The following SRCAP variants were observed in gnomAD, a reference collection of about 807,000 sequenced individuals.
SRCAP encodes chromatin remodeling protein SRCAP.
In SRCAP, 46 loss-of-function variants were observed where a neutral mutation model predicts 263.1. That is an observed-to-expected ratio of 0.17 (90% CI 0.14 to 0.22). SRCAP has a LOEUF of 0.22. Ranked by LOEUF, SRCAP falls within the 10% of genes least tolerant of loss-of-function variation. The pLI is 1.00. For missense variants in SRCAP, 3,695 were observed against 4,181.9 expected, an observed-to-expected ratio of 0.88 and a Z score of 3.21; for synonymous variants, 1,813 against 1,662.1, an observed-to-expected ratio of 1.09 and a Z score of -2.21.
chr16:30,709,773 T>G (rs2052868122), intron 7 of SRCAP, 38 bp downstream of exon 7: 2 of 1,613,838 alleles, frequency 1.2e-6, no homozygotes, highest in South Asian at 1.1e-5. Flanking sequence ...CTTCCTCATG[T>G]ACCCTTTCCA....
At chr16:30,709,266 TAAA>T (rs766700062) in intron 6 of SRCAP, among the ~76,000 whole-genome samples, 10 of 143,496 alleles carry the variant, frequency 7.0e-5, no homozygotes, top group Middle Eastern at 3.7e-3. Context: ...CTCATCTCTT[TAAA>T]AAAAAAAAAA....
chr16:30,719,993 T>G (rs1226347687), intron 18 of SRCAP, among the ~76,000 whole-genome samples, 169 bp from the exon 19 acceptor site: 2 of 152,182 alleles, frequency 1.3e-5, no homozygotes, highest in Non-Finnish European at 2.9e-5. Flanking sequence ...CTCATCTTCA[T>G]GTCCATGCGT....
At chr16:30,700,530 A>T (rs180706822) in intron 2 of SRCAP, 86 bp from the exon 3 acceptor site, 38 of 296,706 alleles carry the variant, frequency 1.3e-4, no homozygotes, top group African/African-American at 7.3e-4. Flanking sequence ...CTCTTTATTC[A>T]GTGTTATTTC....
At chr16:30,727,702 C>T (rs1427965743) in intron 25 of SRCAP, among the ~76,000 whole-genome samples, 1 of 152,208 alleles carries the variant, frequency 6.6e-6, no homozygotes, top group Non-Finnish European at 1.5e-5. Flanking sequence ...CAGGCTTGCA[C>T]CACCACGCCC....
In SRCAP at chr16:30,709,750, T is replaced by C; in HGVS notation, c.856+15T>C. 1 of 1,614,172 alleles carries C rather than the reference T, an allele frequency of 6.2e-7. No homozygotes were observed. The highest frequency in any genetic ancestry group is 8.5e-7 in the Non-Finnish European group (1 of 1,180,022). On this transcript the variant is annotated intron_variant, in intron 7 of 33. Coordinates refer to ENST00000262518, the MANE Select transcript of SRCAP (RefSeq NM_006662.3). ...GGATGATGAAGGTGTGTGTTCTCTT[T>C]GGTCCTGTTACTCTTCCTCATGTAC...
intron 31 of SRCAP, among the ~76,000 whole-genome samples, chr16:30,735,607 G>A (rs1328229810): frequency 7.2e-6 from 1 of 138,462 alleles, no homozygotes; most frequent in Non-Finnish European, 1.5e-5. Context: ...GAGTCACGGA[G>A]TCTTGCTCTT....
intron 24 of SRCAP, 82 bp from the exon 25 acceptor site, chr16:30,723,502 T>G: frequency 6.6e-7 from 1 of 1,525,058 alleles, no homozygotes; most frequent in Non-Finnish European, 8.8e-7. Flanking sequence ...ATGGGAAGCT[T>G]GGGGGTATGG....
In SRCAP at chr16:30,707,253, A is replaced by G. The variant is rs758628921; in HGVS notation, c.377A>G (p.Lys126Arg). The G allele has an allele frequency of 5.0e-6, 8 of 1,614,030 alleles. No homozygotes were observed. The highest frequency in any genetic ancestry group is 5.9e-6 in the Non-Finnish European group (7 of 1,180,050). ...TTCTGGTCACTGAAGAGGCTGCCTA[A>G]GGTGCCAGAGCCCCCTCGCCCCAAA... ...EGFWSLKRLP[K>R]VPEPPRPKGH... is the part of the protein sequence containing the mutation. Residue 126 changes from lysine (K) to arginine (R), a missense_variant, in exon 5 of 34, where the codon AAG becomes AGG. Physicochemically the swap from Lys to Arg is conservative, Grantham distance 26. This residue lies in a region of SRCAP where 107 missense variants were observed against 223.8 expected (regional missense o/e 0.48). Transcript: ENST00000262518.
chr16:30,712,928 A>AT (rs1280774799), intron 14 of SRCAP, 113 bp downstream of exon 14: 4 of 1,367,954 alleles, frequency 2.9e-6, no homozygotes, highest in East Asian at 5.1e-5. Context: ...AAATTTTTTA[A>AT]TTTTTTGTAA....
chr16:30,729,520 G>A lies in SRCAP; in HGVS notation c.6075G>A (p.Val2025=), dbSNP rs758842836. ...GGGCTCGTCCTTTGCACCGTATTGT[G>A]TGTAACATGCGCACCCAGTTCCCTG... ...WPRARPLHRI[V]CNMRTQFPDL... is the part of the protein sequence containing the mutation. Residue 2025 remains valine, a synonymous_variant, in exon 27 of 34, where the codon GTG becomes GTA. Coordinates refer to ENST00000262518, the MANE Select transcript of SRCAP (RefSeq NM_006662.3). 4.3e-6 allele frequency: 7 copies of A among 1,614,172 alleles called. No homozygotes were observed. The highest frequency in any genetic ancestry group is 5.9e-6 in the Non-Finnish European group (7 of 1,180,030).
chr16:30,708,939 C>T (rs1026810578), intron 6 of SRCAP, among the ~76,000 whole-genome samples: 6 of 152,168 alleles, frequency 3.9e-5, no homozygotes, highest in African/African-American at 9.7e-5. Context: ...CTGCCTCTGC[C>T]TCCGGAGTAG....
intron 14 of SRCAP, 94 bp downstream of exon 14, chr16:30,712,909 T>C: frequency 6.8e-7 from 1 of 1,461,098 alleles, no homozygotes; most frequent in South Asian, 1.4e-5. Context: ...CCTCTTTCTT[T>C]TTTAAAAAAA....
chr16:30,705,729 C>T (rs901788986), intron 4 of SRCAP, among the ~76,000 whole-genome samples: 4 of 149,610 alleles, frequency 2.7e-5, no homozygotes, highest in African/African-American at 7.4e-5. Flanking sequence ...TTCCTTGAGA[C>T]GGAGTCTCAG....
At chr16:30,713,740 T>C (rs776570103) in intron 16 of SRCAP, 29 bp downstream of exon 16, 7 of 1,607,220 alleles carry the variant, frequency 4.4e-6, no homozygotes, top group African/African-American at 1.3e-5. Context: ...TGTCAGGGTA[T>C]TGGGAATGGT....
At position 30,739,025 on chromosome 16, in the gene SRCAP, T is replaced by A; in HGVS notation, c.8985T>A (p.Thr2995=). 6.2e-7 allele frequency: 1 copy of A among 1,614,148 alleles called. No homozygotes were observed. The highest frequency in any genetic ancestry group is 8.5e-7 in the Non-Finnish European group (1 of 1,180,010). ...PTATVANTVT[T]VTISTSPPKR... ...CTACTGTTGCCAACACTGTCACCACTGTCACCATTTCAACGTCCCCACCCA... is the reference window on the plus strand; with the variant it reads ...CTACTGTTGCCAACACTGTCACCACAGTCACCATTTCAACGTCCCCACCCA... Residue 2995 remains threonine, a synonymous_variant, in exon 34 of 34, where the codon ACT becomes ACA. Coordinates refer to ENST00000262518, the MANE Select transcript of SRCAP (RefSeq NM_006662.3).
chr16:30,727,902 G>A (rs961186572), intron 25 of SRCAP, among the ~76,000 whole-genome samples: 1 of 151,882 alleles, frequency 6.6e-6, no homozygotes, highest in African/African-American at 2.4e-5. Flanking sequence ...GCCCAAACTG[G>A]TCTTGAATAG....
At chr16:30,699,323 A>C (rs938279078) in intron 1 of SRCAP, 81 bp downstream of exon 1, 3 of 397,818 alleles carry the variant, frequency 7.5e-6, no homozygotes, top group Non-Finnish European at 1.3e-5. Flanking sequence ...TTCCTTAAAC[A>C]CTGGGGAAGC....
Position 30,720,803 on chromosome 16 carries a change from T to A in SRCAP, c.3078T>A (p.Pro1026=). 3 of 1,614,066 alleles carry A rather than the reference T, an allele frequency of 1.9e-6. No individual in the cohort carries two copies. Among genetic ancestry groups the A allele is most frequent in the Non-Finnish European group, 8.5e-7 (1 of 1,180,002 alleles). ...RAPLGPVPVR[P]PPGPELSAQP... Reference sequence around the variant, plus strand: ...CCCTGGGCCCTGTCCCAGTTCGACCTCCTCCAGGTCCTGAGCTCTCAGCCC... The same window carrying A: ...CCCTGGGCCCTGTCCCAGTTCGACCACCTCCAGGTCCTGAGCTCTCAGCCC... The change falls in exon 20 of 34, where the codon CCT becomes CCA. Residue 1026 remains proline, a synonymous_variant. Coordinates refer to ENST00000262518, the MANE Select transcript of SRCAP (RefSeq NM_006662.3).
intron 7 of SRCAP, 44 bp downstream of exon 7, chr16:30,709,779 T>C: frequency 1.9e-6 from 3 of 1,613,628 alleles, no homozygotes; most frequent in Non-Finnish European, 2.5e-6. Context: ...CATGTACCCT[T>C]TCCAGAGCTG....
Sources: gnomAD v4.1 joint callset for allele counts (sites outside exome capture counted in the v4.1 genomes callset) on GRCh38, gnomAD v4.1.1 for gene constraint, gnomAD v4.1.1 regional missense constraint, MANE v1.5 for transcripts, NCBI Gene and HGNC (gene_info 2026-07-23, HGNC 2026-07-21) for gene names.